Variants in ZNF429 observed in about 807,000 individuals in gnomAD.
The protein encoded by ZNF429 is zinc finger protein 429.
Under a neutral mutation model 56.8 loss-of-function variants are expected in ZNF429, and 53 were observed. The ratio of observed to expected loss-of-function variants is 0.93; its 90% CI spans 0.75 to 1.17. The LOEUF is 1.17. Among genes scored for constraint, ZNF429 ranks in the 50% most tolerant of loss-of-function variants. The pLI is 0.00. For synonymous variants in ZNF429, 278 were observed against 264.7 expected, an observed-to-expected ratio of 1.05 and a Z score of -0.49; for missense variants, 849 against 788.4, an observed-to-expected ratio of 1.08 and a Z score of -0.92.
At position 21,505,660 on chromosome 19, in the gene ZNF429, C is replaced by G. The variant is rs142290237; in HGVS notation, c.-112C>G. ...TTGCTGCAGCCAGAGCTCCAGGTCT[C>G]GTCTTCATTTCTGTGTCCTTTGTTC... On this transcript the variant is annotated 5_prime_UTR_variant, in exon 1 of 4. Coordinates refer to ENST00000358491, the MANE Select transcript of ZNF429 (RefSeq NM_001001415.4). 28 of 1,191,094 alleles carry G rather than the reference C, an allele frequency of 2.4e-5. No homozygotes were observed. The African/African-American group carries it at 3.7e-4, about 16-fold the overall frequency. 73.8% of individuals were successfully genotyped at this position (1,191,094 alleles called of 1,614,324 possible).
intron 1 of ZNF429, among the ~76,000 whole-genome samples, chr19:21,523,644 T>A (rs1369558558): frequency 3.3e-5 from 5 of 152,254 alleles, no homozygotes; most frequent in African/African-American, 1.2e-4. Context: ...CAGGCCACAC[T>A]CTGTCCCTCT....
chr19:21,512,755 G>A (rs2032560940), intron 1 of ZNF429, among the ~76,000 whole-genome samples: 1 of 151,392 alleles, frequency 6.6e-6, no homozygotes, highest in South Asian at 2.1e-4. Context: ...TCTGACAGAA[G>A]TATTTTATTT....
At chr19:21,510,440 A>G (rs1568410936) in intron 1 of ZNF429, among the ~76,000 whole-genome samples, 3 of 152,312 alleles carry the variant, frequency 2.0e-5, no homozygotes, top group South Asian at 4.1e-4. Context: ...ATCACACGCA[A>G]GAAAGAATTT....
rs1289592028 is a variant in ZNF429, at chr19:21,536,560, A to T, written c.507A>T (p.Gly169=). The change falls in exon 4 of 4, where the codon GGA becomes GGT. Residue 169 remains glycine (G), a synonymous_variant. Coordinates refer to ENST00000358491, the MANE Select transcript of ZNF429 (RefSeq NM_001001415.4). ...NADRYKTRHT[G]KKPFQCKKCG... ...ATAGATACAAGACAAGACATACTGG[A>T]AAGAAACCTTTCCAGTGTAAAAAAT... The T allele has an allele frequency of 6.2e-7, 1 of 1,613,684 alleles. No individual in the cohort carries two copies.
At chr19:21,525,599 C>T (rs192004293) in intron 1 of ZNF429, among the ~76,000 whole-genome samples, 11 of 144,110 alleles carry the variant, frequency 7.6e-5, no homozygotes, top group South Asian at 2.2e-4. Context: ...GCTCTGATTT[C>T]GTGAAACTCA....
chr19:21,536,295 T>A lies in ZNF429; in HGVS notation c.242T>A (p.Phe81Tyr). 2 of 1,575,792 alleles carry A rather than the reference T, an allele frequency of 1.3e-6. No homozygotes were observed. The highest frequency in any genetic ancestry group is 2.3e-5 in the South Asian group (2 of 85,804). ...VDEPPVVCSH[F>Y]AEDFWPEQDI... ...TTTATTTTAGTTGTGTGTTCTCATT[T>A]TGCTGAAGACTTTTGGCCAGAGCAA... Residue 81 changes from phenylalanine (F) to tyrosine (Y), a missense_variant, in exon 4 of 4, where the codon TTT becomes TAT. Phe to Tyr is a conservative substitution (Grantham distance 22). Coordinates refer to ENST00000358491, the MANE Select transcript of ZNF429 (RefSeq NM_001001415.4).
chr19:21,506,767 G>GTTTTTTTTTTTT (rs60650857), intron 1 of ZNF429, among the ~76,000 whole-genome samples: 3 of 111,780 alleles, frequency 2.7e-5, no homozygotes, highest in African/African-American at 3.6e-5. Flanking sequence ...TTAGTTTTTT[G>GTTTTTTTTTTTT]TTTTTTTTTT....
chr19:21,535,464 CTTTCTTTCT>C, intron 3 of ZNF429, among the ~76,000 whole-genome samples: 1 of 42,744 alleles, frequency 2.3e-5, no homozygotes, highest in Non-Finnish European at 4.7e-5. Flanking sequence ...TTCTTTCTTT[CTTTCTTTCT>C]TTCTTTCTTT....
intron 1 of ZNF429, among the ~76,000 whole-genome samples, chr19:21,509,679 CA>C (rs2032358178): frequency 6.6e-6 from 1 of 152,176 alleles, no homozygotes; most frequent in African/African-American, 2.4e-5. Flanking sequence ...AACCCACAGG[CA>C]GATACAGTTA....
intron 1 of ZNF429, among the ~76,000 whole-genome samples, chr19:21,527,131 G>A (rs1217952093): frequency 6.6e-6 from 1 of 152,176 alleles, no homozygotes; most frequent in Non-Finnish European, 1.5e-5. Flanking sequence ...TGCTGTGCCT[G>A]CTTTGTCTAA....
rs776549659 is a variant in ZNF429 at position 21,505,646 on chromosome 19, A to G, written c.-126A>G. On this transcript the variant is annotated 5_prime_UTR_variant, in exon 1 of 4. Coordinates refer to ENST00000358491, the MANE Select transcript of ZNF429 (RefSeq NM_001001415.4). ...GGGGCGTTTGGCTCTTGCTGCAGCC[A>G]GAGCTCCAGGTCTCGTCTTCATTTC... 124 of 1,005,318 alleles carry G rather than the reference A, an allele frequency of 1.2e-4. No individual in the cohort carries two copies. Among genetic ancestry groups the G allele is most frequent in the Non-Finnish European group, 1.5e-4 (106 of 696,422 alleles). The allele number at this position is 1,005,318 out of a possible 1,614,324, so 62.3% of individuals were successfully genotyped here.
intron 1 of ZNF429, among the ~76,000 whole-genome samples, chr19:21,512,237 G>A (rs990591462): frequency 5.9e-5 from 9 of 152,148 alleles, no homozygotes; most frequent in Admixed American, 6.5e-5. Context: ...TGGGAGTGTG[G>A]CAGTGAGGAC....
intron 1 of ZNF429, among the ~76,000 whole-genome samples, chr19:21,511,420 G>A (rs1157167900): frequency 6.0e-5 from 9 of 149,452 alleles, no homozygotes; most frequent in African/African-American, 1.5e-4. Context: ...GGGCAGAGGC[G>A]CTCCTCACAT....
chr19:21,531,813 GAA>G, intron 3 of ZNF429, among the ~76,000 whole-genome samples: 1 of 115,708 alleles, frequency 8.6e-6, no homozygotes, highest in East Asian at 2.7e-4. Flanking sequence ...CTCAAAAAAA[GAA>G]AAAAAAAAAA....
In ZNF429 at chr19:21,511,678, G is replaced by A. The variant is rs922595114; in HGVS notation, c.3+5904G>A. ...CTCCTCACTTCCCAGACGGGGTGGC[G>A]GCCGGGCAGAGGCTGCAATCTCGGC... On this transcript the variant is annotated intron_variant, in intron 1 of 3. Transcript: ENST00000358491. Among the ~76,000 whole-genome samples the A allele has an allele frequency of 2.0e-4, 31 of 151,716 alleles. 2 individuals carry two copies. In the South Asian group the frequency reaches 2.3e-3, roughly 11 times the overall value.
chr19:21,528,568 G>T (rs555018229), intron 1 of ZNF429, among the ~76,000 whole-genome samples: 1 of 152,088 alleles, frequency 6.6e-6, no homozygotes, highest in African/African-American at 2.4e-5. Context: ...AGCCGGGCGT[G>T]GTGGCAGGTG....
chr19:21,540,136 T>G lies in ZNF429; in HGVS notation c.*2058T>G, dbSNP rs1462091000. On this transcript the variant is annotated 3_prime_UTR_variant, in exon 4 of 4. Coordinates refer to ENST00000358491, the MANE Select transcript of ZNF429 (RefSeq NM_001001415.4). Reference sequence around the variant, plus strand: ...TATAAAATGCAGTATATTTCAAAATTTTTAAATTATATGTAAATTTGATTT... The same window carrying G: ...TATAAAATGCAGTATATTTCAAAATGTTTAAATTATATGTAAATTTGATTT... Among the ~76,000 whole-genome samples, 2 of 152,202 alleles carry G rather than the reference T, an allele frequency of 1.3e-5. No individual in the cohort carries two copies.
At chr19:21,517,879 C>T (rs1469535609) in intron 1 of ZNF429, among the ~76,000 whole-genome samples, 3 of 151,000 alleles carry the variant, frequency 2.0e-5, no homozygotes, top group Admixed American at 1.3e-4. Flanking sequence ...CTGCAAGCTC[C>T]GTCTCCCAGG....
At chr19:21,510,392 A>C (rs2032393415) in intron 1 of ZNF429, among the ~76,000 whole-genome samples, 1 of 152,128 alleles carries the variant, frequency 6.6e-6, no homozygotes, top group Admixed American at 6.6e-5. Flanking sequence ...AAGTACAGGA[A>C]AGTGGTCCCA....
Sources: allele counts gnomAD v4.1 joint callset (sites outside exome capture counted in the v4.1 genomes callset), GRCh38; gene constraint gnomAD v4.1.1; transcripts MANE v1.5; gene names NCBI Gene and HGNC (gene_info 2026-07-23, HGNC 2026-07-21).